MAF: variants seen among roughly 807,000 people sequenced by gnomAD.
MAF encodes the protein transcription factor Maf.
In MAF, 10 loss-of-function variants were observed where a neutral mutation model predicts 22.0. The ratio of observed to expected loss-of-function variants is 0.45; its 90% CI spans 0.28 to 0.77. The LOEUF (loss-of-function observed/expected upper bound fraction) is 0.77. Among genes scored for constraint, MAF ranks in the 30% least tolerant of loss-of-function variants. MAF has a pLI of 0.12. For missense variants in MAF, 544 were observed against 548.4 expected (o/e 0.99, Z 0.08); for synonymous variants, 337 against 255.8 (o/e 1.32, Z -3.03).
chr16:79,493,471 C>T, the MAF span, among the ~76,000 whole-genome samples: 1 of 152,158 alleles, frequency 6.6e-6, no homozygotes, highest in Admixed American at 6.5e-5. Context: ...TGAGCCACCG[C>T]ACCTGGCCTC....
the MAF span, among the ~76,000 whole-genome samples, chr16:79,409,291 G>A: frequency 5.3e-5 from 8 of 152,302 alleles, no homozygotes; most frequent in African/African-American, 1.4e-4. Flanking sequence ...CGATCCAAAC[G>A]TTGGCATGGA....
At chr16:79,505,843 G>C in the MAF span, 20 of 152,388 alleles carry the variant, frequency 1.3e-4, 1 homozygote, top group South Asian at 4.1e-4. Flanking sequence ...AGAAGCAAGA[G>C]ATATTCACGT....
chr16:79,478,988 C>A, the MAF span, among the ~76,000 whole-genome samples: 2 of 151,832 alleles, frequency 1.3e-5, no homozygotes, highest in African/African-American at 4.8e-5. Context: ...CCTCAGCATA[C>A]CTGTATAGCA....
At chr16:79,563,647 T>C in the MAF span, among the ~76,000 whole-genome samples, 3 of 152,184 alleles carry the variant, frequency 2.0e-5, no homozygotes, top group African/African-American at 7.2e-5. Context: ...CTTTTTTAAA[T>C]GAGGCTGTTA....
At chr16:79,591,515 C>T (rs931965935), downstream of MAF, among the ~76,000 whole-genome samples, 3 of 152,246 alleles carry the variant, frequency 2.0e-5, no homozygotes, top group Non-Finnish European at 4.4e-5. Flanking sequence ...GAAAAGGAAA[C>T]GAATTGTGTT....
At chr16:79,563,412 C>A in the MAF span, among the ~76,000 whole-genome samples, 1 of 151,616 alleles carries the variant, frequency 6.6e-6, no homozygotes, top group Non-Finnish European at 1.5e-5. Flanking sequence ...TTAAGTACAT[C>A]TTTATTGTTG....
intron 1 of MAF, 182 bp downstream of exon 1, chr16:79,598,603 T>C: frequency 6.7e-7 from 1 of 1,485,784 alleles, no homozygotes; most frequent in Middle Eastern, 2.4e-4. Flanking sequence ...TGTGTGTGTG[T>C]GTGTGTGGTG....
chr16:79,445,091 C>A, the MAF span, among the ~76,000 whole-genome samples: 1 of 151,960 alleles, frequency 6.6e-6, no homozygotes, highest in Non-Finnish European at 1.5e-5. Flanking sequence ...TGGAGTGCAG[C>A]GGCACAATCT....
At chr16:79,456,214 C>A in the MAF span, among the ~76,000 whole-genome samples, 2 of 151,996 alleles carry the variant, frequency 1.3e-5, no homozygotes, top group Non-Finnish European at 2.9e-5. Flanking sequence ...AACATACAGT[C>A]CTGGAAAGCA....
the MAF span, among the ~76,000 whole-genome samples, chr16:79,340,657 C>T: frequency 6.6e-6 from 1 of 151,858 alleles, no homozygotes; most frequent in Non-Finnish European, 1.5e-5. Flanking sequence ...GGGATCTCTA[C>T]CTGGAAAGTG....
the MAF span, among the ~76,000 whole-genome samples, chr16:79,440,275 A>G: frequency 1.3e-5 from 2 of 152,190 alleles, no homozygotes; most frequent in African/African-American, 2.4e-5. Context: ...AGCACACACC[A>G]TATTCACAGA....
At chr16:79,565,153 A>G in the MAF span, among the ~76,000 whole-genome samples, 1 of 152,254 alleles carries the variant, frequency 6.6e-6, no homozygotes, top group South Asian at 2.1e-4. Flanking sequence ...TCTGCTACCA[A>G]AGACCCAAAA....
the MAF span, among the ~76,000 whole-genome samples, chr16:79,352,653 A>C: frequency 6.6e-6 from 1 of 152,250 alleles, no homozygotes; most frequent in African/African-American, 2.4e-5. Context: ...AATAAAAAGT[A>C]GAGGCAGATA....
At chr16:79,512,495 C>T in the MAF span, among the ~76,000 whole-genome samples, 1 of 152,126 alleles carries the variant, frequency 6.6e-6, no homozygotes. Context: ...CCAGGCCCAT[C>T]TCCAGGTGTC....
At chr16:79,477,520 G>A in the MAF span, among the ~76,000 whole-genome samples, 1 of 152,166 alleles carries the variant, frequency 6.6e-6, no homozygotes, top group East Asian at 1.9e-4. Context: ...GAGGAACTAA[G>A]TATTTACTGA....
the MAF span, among the ~76,000 whole-genome samples, chr16:79,414,653 G>C: frequency 7.9e-5 from 12 of 152,342 alleles, no homozygotes; most frequent in Non-Finnish European, 1.3e-4. Flanking sequence ...GAGCTTGAAA[G>C]CTGGAAGGAA....
the MAF span, among the ~76,000 whole-genome samples, chr16:79,220,255 C>CAAAAA: frequency 0.018 from 1,674 of 91,498 alleles, 51 homozygotes; most frequent in Non-Finnish European, 0.028. Flanking sequence ...GACTCCATCT[C>CAAAAA]AAAAAAAAAA....
At chr16:79,487,001 G>A in the MAF span, among the ~76,000 whole-genome samples, 1 of 152,124 alleles carries the variant, frequency 6.6e-6, no homozygotes, top group Non-Finnish European at 1.5e-5. Flanking sequence ...TAAGTCAGTG[G>A]TTTTGACTTG....
the MAF span, among the ~76,000 whole-genome samples, chr16:79,372,066 A>ATTTTT: frequency 2.3e-5 from 3 of 132,426 alleles, no homozygotes; most frequent in African/African-American, 8.4e-5. Flanking sequence ...AGGGAGAGGA[A>ATTTTT]TTTTTTTTTT....
Sources: gnomAD v4.1 joint callset for allele counts (sites outside exome capture counted in the v4.1 genomes callset) on GRCh38, gnomAD v4.1.1 for gene constraint, MANE v1.5 for transcripts, NCBI Gene and HGNC (gene_info 2026-07-23, HGNC 2026-07-21) for gene names.